PRRC2B: variants seen among roughly 807,000 people sequenced by gnomAD.
The protein encoded by PRRC2B is proline rich coiled-coil 2B.
In PRRC2B, 68 loss-of-function variants were observed where a neutral mutation model predicts 242.3. That is an observed-to-expected ratio of 0.28 (90% confidence interval 0.23 to 0.34). PRRC2B has a LOEUF of 0.34. Ranked by LOEUF, PRRC2B falls within the 10% of genes least tolerant of loss-of-function variation. The pLI is 1.00. For synonymous variants in PRRC2B, 1,228 were observed against 1,173.6 expected (o/e 1.05, Z -0.95); for missense variants, 2,835 against 2,954.8 (o/e 0.96, Z 0.94).
Position 131,498,414 on chromosome 9 carries a change from A to T in PRRC2B, c.*2540A>T, listed in dbSNP as rs1444653049. On this transcript the variant is annotated 3_prime_UTR_variant, in exon 32 of 32. Coordinates refer to ENST00000683519, the MANE Select transcript of PRRC2B (RefSeq NM_013318.4). ...GACCTGAGCTGCAGTCTCTTCGCTG[A>T]GATGCAGGTTTTAAATGAGACTTGG... is the stretch of plus-strand genomic sequence containing the variant. 4 of 152,208 alleles carry T rather than the reference A, an allele frequency of 2.6e-5. No homozygotes were observed. The East Asian group carries it at 7.7e-4, about 29-fold the overall frequency. The allele number at this position is 152,208 out of a possible 1,614,324, so 9.4% of individuals were successfully genotyped here.
Position 131,455,029 on chromosome 9 carries a change from A to T in PRRC2B, c.1121-47A>T, listed in dbSNP as rs927423214. On this transcript the variant is annotated intron_variant, in intron 9 of 31. Coordinates refer to ENST00000683519, the MANE Select transcript of PRRC2B (RefSeq NM_013318.4). Reference sequence around the variant, plus strand: ...GAGCCACCACGTCCGGCCACCACTGACTTTTTCATTCTTTCTCATTCTTCC... The same window carrying T: ...GAGCCACCACGTCCGGCCACCACTGTCTTTTTCATTCTTTCTCATTCTTCC... 15 of 1,493,862 alleles carry T rather than the reference A, an allele frequency of 1.0e-5. No individual in the cohort carries two copies. The African/African-American group carries it at 2.1e-4, about 21-fold the overall frequency. 92.5% of individuals were successfully genotyped at this position (1,493,862 alleles called of 1,614,324 possible).
rs200620118 is a variant in PRRC2B at position 131,495,826 on chromosome 9, C to T, written c.6642C>T (p.Thr2214=). 1.9e-4 allele frequency: 310 copies of T among 1,612,764 alleles called. 1 individual carries two copies. In the Admixed American group the frequency reaches 3.3e-3, roughly 17 times the overall value. The change falls in exon 32 of 32, where the codon ACC becomes ACT. Residue 2214 remains threonine, a synonymous_variant. Transcript: ENST00000683519. ...CGGCTGCCTCCCAGATGAAGCGAAC[C>T]GGAGCGATCAAGCCTCGGGCTGTCA... The part of the protein sequence containing the change: ...APSAASQMKR[T]GAIKPRAVKV...
chr9:131,420,502 T>TCG, intron 1 of PRRC2B, among the ~76,000 whole-genome samples: 1 of 97,902 alleles, frequency 1.0e-5, no homozygotes, highest in Admixed American at 1.1e-4. Context: ...TCTTTTTTTT[T>TCG]TTTTTTTTGA....
chr9:131,403,520 T>G (rs1364233109), intron 1 of PRRC2B, among the ~76,000 whole-genome samples: 2 of 151,528 alleles, frequency 1.3e-5, no homozygotes, highest in African/African-American at 4.8e-5. Flanking sequence ...CCTGGCTAAT[T>G]TTTTTTTGTA....
Position 131,475,791 on chromosome 9 carries a change from C to T in PRRC2B, c.3662C>T (p.Ser1221Phe). 1.2e-6 allele frequency: 2 copies of T among 1,613,256 alleles called. No homozygotes were observed. The highest frequency in any genetic ancestry group is 1.1e-5 in the South Asian group (1 of 91,038). Residue 1221 changes from serine (S) to phenylalanine (F), a missense_variant, in exon 16 of 32, where the codon TCC becomes TTC. Physicochemically the swap from Ser to Phe is radical, Grantham distance 155. Around this residue, in one of 7 missense-constraint regions of PRRC2B, gnomAD observed 1,536 missense variants for 1,483.1 expected, o/e 1.04. Coordinates refer to ENST00000683519, the MANE Select transcript of PRRC2B (RefSeq NM_013318.4). ...NCGYGRRTFV[S>F]KESPHWQSKS... Reference sequence around the variant, plus strand: ...GGGTATGGACGGAGAACCTTCGTCTCCAAAGAGTCACCCCACTGGCAGAGC... The same window carrying T: ...GGGTATGGACGGAGAACCTTCGTCTTCAAAGAGTCACCCCACTGGCAGAGC...
chr9:131,489,724 C>T (rs754798077), intron 28 of PRRC2B, among the ~76,000 whole-genome samples: 58 of 152,340 alleles, frequency 3.8e-4, no homozygotes, highest in Non-Finnish European at 4.6e-4. Context: ...GGCCACATCC[C>T]TGCCTAGGTG....
chr9:131,467,498 A>G, intron 12 of PRRC2B, 65 bp from the exon 13 acceptor site: 1 of 1,377,914 alleles, frequency 7.3e-7, no homozygotes, highest in Non-Finnish European at 9.9e-7. Flanking sequence ...ACTTGTTTGT[A>G]AACACTTGGT....
At chr9:131,438,601 G>A (rs181124599) in intron 4 of PRRC2B, among the ~76,000 whole-genome samples, 75 of 152,274 alleles carry the variant, frequency 4.9e-4, no homozygotes, top group Non-Finnish European at 8.1e-4. Flanking sequence ...GACACATGCC[G>A]GAACTGGGCC....
At chr9:131,438,918 G>A in intron 4 of PRRC2B, 71 bp from the exon 5 acceptor site, 1 of 1,230,368 alleles carries the variant, frequency 8.1e-7, no homozygotes, top group Admixed American at 2.0e-5. Flanking sequence ...TCAGCACCTT[G>A]TTGTAATAGG....
Position 131,455,092 on chromosome 9 carries a change from G to A in PRRC2B, c.1137G>A (p.Val379=), listed in dbSNP as rs766313383. The change falls in exon 10 of 32, where the codon GTG becomes GTA. Residue 379 remains valine (V), a synonymous_variant. Coordinates refer to ENST00000683519, the MANE Select transcript of PRRC2B (RefSeq NM_013318.4). ...CTGTTGTAGGCCTCCATGAAGAAGTGGACTATTCTGAGAAACTGAAGTTCA... is the reference window on the plus strand; with the variant it reads ...CTGTTGTAGGCCTCCATGAAGAAGTAGACTATTCTGAGAAACTGAAGTTCA... ...DDGWAGLHEE[V]DYSEKLKFSD... is the part of the protein sequence containing the mutation. The A allele has an allele frequency of 6.2e-7, 1 of 1,613,494 alleles. No individual in the cohort carries two copies. The highest frequency in any genetic ancestry group is 8.5e-7 in the Non-Finnish European group (1 of 1,179,622).
At position 131,430,579 on chromosome 9, in the gene PRRC2B, GTGTGTGTGTGTGTGTGTA is replaced by G. The variant is rs1348088103; in HGVS notation, c.115+322_115+339del. ...TGTGTGTATGTGTGTGTGTGTGTGTGTGTGTGTGTGTGTGTGTATATATATGTTTTGGAGACAGAGTCT... is the reference window on the plus strand; with the variant it reads ...TGTGTGTATGTGTGTGTGTGTGTGTGTATATATGTTTTGGAGACAGAGTCT... On this transcript the variant is annotated intron_variant, in intron 2 of 31. Coordinates refer to ENST00000683519, the MANE Select transcript of PRRC2B (RefSeq NM_013318.4). 5.4e-3 allele frequency among the ~76,000 whole-genome samples: 731 copies of G among 136,358 alleles called. 7 individuals are homozygous for G. The highest frequency in any genetic ancestry group is 0.02 in the African/African-American group (699 of 34,642). The allele number at this position is 136,358 out of a possible 152,430, so 89.5% of individuals were successfully genotyped here.
chr9:131,485,966 G>T (rs555645180), intron 25 of PRRC2B, 119 bp from the exon 26 acceptor site: 1 of 751,482 alleles, frequency 1.3e-6, no homozygotes, highest in African/African-American at 1.7e-5. Flanking sequence ...CTGTACACAC[G>T]CCCTCGTCCC....
chr9:131,419,801 G>T (rs1233389027), intron 1 of PRRC2B, among the ~76,000 whole-genome samples: 2 of 152,086 alleles, frequency 1.3e-5, no homozygotes, highest in African/African-American at 4.8e-5. Context: ...ACTGCCGGGG[G>T]TGGTGTGGGG....
chr9:131,463,878 C>T (rs1018132006), intron 11 of PRRC2B, among the ~76,000 whole-genome samples: 3 of 151,642 alleles, frequency 2.0e-5, no homozygotes, highest in Non-Finnish European at 4.4e-5. Context: ...TGCAGTCCCC[C>T]ACGTTGGCCC....
In PRRC2B at chr9:131,478,380, G is replaced by A. The variant is rs1588276114; in HGVS notation, c.4613-94G>A. 5 of 1,232,932 alleles carry A rather than the reference G, an allele frequency of 4.1e-6. No individual in the cohort carries two copies. In the African/African-American group the frequency reaches 4.5e-5, roughly 11 times the overall value. 76.4% of individuals were successfully genotyped at this position (1,232,932 alleles called of 1,614,324 possible). A position where few individuals can be genotyped will look rare whatever the true frequency, so the allele number is the denominator to read the frequency against. On this transcript the variant is annotated intron_variant, in intron 17 of 31. Transcript: ENST00000683519. ...GAAGTCCTGTCCAGGTTTCTGTCGA[G>A]CCTGATGCTAGATCTCAGGCGCCTG...
At chr9:131,489,577 A>G (rs576666197) in intron 28 of PRRC2B, among the ~76,000 whole-genome samples, 1 of 151,962 alleles carries the variant, frequency 6.6e-6, no homozygotes, top group Non-Finnish European at 1.5e-5. Context: ...ATTTCATCCA[A>G]GCTGTGGCTC....
intron 31 of PRRC2B, among the ~76,000 whole-genome samples, chr9:131,495,174 C>G (rs56179037): frequency 0.011 from 1,709 of 152,192 alleles, 23 homozygotes; most frequent in Non-Finnish European, 0.013. Flanking sequence ...TCTGTGACTT[C>G]CCCACCCCAC....
At chr9:131,467,037 G>A (rs576955207) in intron 12 of PRRC2B, among the ~76,000 whole-genome samples, 38 of 152,112 alleles carry the variant, frequency 2.5e-4, no homozygotes, top group Non-Finnish European at 2.8e-4. Flanking sequence ...TCCTGACCTC[G>A]TGATCCATCC....
At chr9:131,384,248 C>T (rs1209140722) in intron 1 of PRRC2B, among the ~76,000 whole-genome samples, 1 of 150,832 alleles carries the variant, frequency 6.6e-6, no homozygotes, top group African/African-American at 2.4e-5. Context: ...CACCTGCCAC[C>T]ACGCCTGGCT....
Sources: allele counts gnomAD v4.1 joint callset (sites outside exome capture counted in the v4.1 genomes callset), GRCh38; gene constraint gnomAD v4.1.1; regional missense constraint gnomAD v4.1.1; transcripts MANE v1.5; gene names NCBI Gene and HGNC (gene_info 2026-07-23, HGNC 2026-07-21).